Variants in MKRN1 observed in about 807,000 individuals in gnomAD.
The protein encoded by MKRN1 is makorin ring finger protein 1.
In MKRN1, 9 loss-of-function variants were observed where a neutral mutation model predicts 55.5. The ratio of observed to expected loss-of-function variants is 0.16; its 90% CI spans 0.10 to 0.28. MKRN1 has a LOEUF of 0.28. Among genes scored for constraint, MKRN1 ranks in the 10% least tolerant of loss-of-function variants. The pLI is 1.00. For missense variants in MKRN1, 488 were observed against 626.7 expected (o/e 0.78, Z 2.36); for synonymous variants, 253 against 235.9 (o/e 1.07, Z -0.66).
In MKRN1 at chr7:140,479,207, G is replaced by GCCGCCCCCT; in HGVS notation, c.129_137dup (p.Gly45_Gly47dup). 1 of 1,464,836 alleles carries GCCGCCCCCT rather than the reference G, an allele frequency of 6.8e-7. No individual in the cohort carries two copies. The highest frequency in any genetic ancestry group is 9.0e-7 in the Non-Finnish European group (1 of 1,108,960). 90.7% of individuals were successfully genotyped at this position (1,464,836 alleles called of 1,614,324 possible). A position where few individuals can be genotyped will look rare whatever the true frequency, so the allele number is the denominator to read the frequency against. ...AGCCGCCGCCGCTGCCGTCGCTGCC[G>GCCGCCCCCT]CCGCCCCCTCCGCCCGCCCCCAGGG... On this transcript the variant is annotated inframe_insertion, in exon 1 of 8. Coordinates refer to ENST00000255977, the MANE Select transcript of MKRN1 (RefSeq NM_013446.4).
At chr7:140,478,254 A>C (rs1382018243) in intron 1 of MKRN1, 2 of 152,242 alleles carry the variant, frequency 1.3e-5, no homozygotes, top group Non-Finnish European at 2.9e-5. Context: ...AAAATAAAAA[A>C]CGTACAATTA....
At chr7:140,478,677 A>T (rs991747357) in intron 1 of MKRN1, 1 of 152,672 alleles carries the variant, frequency 6.5e-6, no homozygotes, top group African/African-American at 2.4e-5. Context: ...GAGAGAGGAG[A>T]GGGCCGGGAG....
chr7:140,470,178 G>A (rs1227571167), intron 2 of MKRN1, among the ~76,000 whole-genome samples: 1 of 151,184 alleles, frequency 6.6e-6, no homozygotes, highest in Non-Finnish European at 1.5e-5. Flanking sequence ...CTGAGATCAT[G>A]CCATTGCACT....
rs536690045 is a variant in MKRN1 at position 140,476,852 on chromosome 7, G to A, written c.185+2308C>T. Among the ~76,000 whole-genome samples, 5 of 152,150 alleles carry A rather than the reference G, an allele frequency of 3.3e-5. No individual in the cohort carries two copies. In the East Asian group the frequency reaches 5.8e-4, roughly 18 times the overall value. On this transcript the variant is annotated intron_variant, in intron 1 of 7. Coordinates refer to ENST00000255977, the MANE Select transcript of MKRN1 (RefSeq NM_013446.4). ...CCCAGCACTTTGGGAGGCTGAGGCC[G>A]GCAGATCACCTGAGGTCGGGAGTTC... is the stretch of plus-strand genomic sequence containing the variant.
intron 1 of MKRN1, among the ~76,000 whole-genome samples, chr7:140,476,186 T>C (rs926801386): frequency 2.0e-5 from 3 of 152,206 alleles, no homozygotes; most frequent in Non-Finnish European, 4.4e-5. Context: ...CTTTAGGTGA[T>C]GTTTACCTAG....
In MKRN1 at chr7:140,455,852, C is replaced by G. The variant is rs889586956; in HGVS notation, c.1035G>C (p.Glu345Asp). 1 of 1,614,158 alleles carries G rather than the reference C, an allele frequency of 6.2e-7. No individual in the cohort carries two copies. The highest frequency in any genetic ancestry group is 8.5e-7 in the Non-Finnish European group (1 of 1,180,026). Reference sequence around the variant, plus strand: ...TCTCTTCTTTCTCCTCCACCCAGTACTCACTTGGAATGACAAAGTTAGATG... The same window carrying G: ...TCTCTTCTTTCTCCTCCACCCAGTAGTCACTTGGAATGACAAAGTTAGATG... ...RITSNFVIPS[E>D]YWVEEKEEKQ... The change falls in exon 6 of 8, where the codon GAG (glutamate) becomes GAC (aspartate). Residue 345 changes from glutamate to aspartate, a missense_variant. Physicochemically the swap from Glu to Asp is conservative, Grantham distance 45. Around this residue, in one of 2 missense-constraint regions of MKRN1, gnomAD observed 278 missense variants for 406.7 expected, o/e 0.68. Transcript: ENST00000255977.
chr7:140,464,354 C>G (rs185128140), intron 2 of MKRN1, among the ~76,000 whole-genome samples: 2 of 151,572 alleles, frequency 1.3e-5, no homozygotes, highest in South Asian at 2.1e-4. Flanking sequence ...TAGTGAGTCA[C>G]GATCACACCA....
At position 140,456,169 on chromosome 7, in the gene MKRN1, C is replaced by T. The variant is rs534204731; in HGVS notation, c.987-269G>A. The stretch of plus-strand genomic sequence containing the variant: ...GGTAAAAAACAAAAACAAAAGAAGA[C>T]ATTTCACACAGACTCCTTTTTCTTT... On this transcript the variant is annotated intron_variant, in intron 5 of 7. Transcript: ENST00000255977. 20 of 1,177,008 alleles carry T rather than the reference C, an allele frequency of 1.7e-5. No homozygotes were observed. In the South Asian group the frequency reaches 5.8e-4, roughly 34 times the overall value. 72.9% of individuals were successfully genotyped at this position (1,177,008 alleles called of 1,614,324 possible). A position where few individuals can be genotyped will look rare whatever the true frequency, so the allele number is the denominator to read the frequency against.
chr7:140,471,562 C>T (rs1265646393), intron 2 of MKRN1, among the ~76,000 whole-genome samples: 3 of 152,014 alleles, frequency 2.0e-5, no homozygotes, highest in East Asian at 1.9e-4. Context: ...ATCCACCTCC[C>T]GGGTTCATGC....
At chr7:140,463,604 G>C (rs1794681181) in intron 2 of MKRN1, among the ~76,000 whole-genome samples, 1 of 152,098 alleles carries the variant, frequency 6.6e-6, no homozygotes, top group Non-Finnish European at 1.5e-5. Context: ...ATCCAGCCCA[G>C]GCTGGACGCG....
chr7:140,469,407 T>C (rs917372701), intron 2 of MKRN1, among the ~76,000 whole-genome samples: 2 of 152,142 alleles, frequency 1.3e-5, no homozygotes, highest in Non-Finnish European at 2.9e-5. Flanking sequence ...CTCTTTGATA[T>C]GCCTTCCTTC....
intron 1 of MKRN1, among the ~76,000 whole-genome samples, chr7:140,477,771 G>A (rs1795170098): frequency 6.6e-6 from 1 of 152,178 alleles, no homozygotes. Flanking sequence ...CACCCCGACA[G>A]GCCGGTTTCA....
chr7:140,467,646 A>C (rs1460713605), intron 2 of MKRN1, among the ~76,000 whole-genome samples: 1 of 152,120 alleles, frequency 6.6e-6, no homozygotes, highest in Non-Finnish European at 1.5e-5. Context: ...GAACCTACCT[A>C]ATTTCCTCTG....
intron 4 of MKRN1, among the ~76,000 whole-genome samples, chr7:140,458,230 A>G (rs1794520739): frequency 1.3e-5 from 2 of 152,326 alleles, no homozygotes; most frequent in African/African-American, 4.8e-5. Flanking sequence ...AGCCTTATTC[A>G]TAATAGCCAA....
At position 140,462,316 on chromosome 7, in the gene MKRN1, C is replaced by T. The variant is rs368647793; in HGVS notation, c.315-2380G>A. 1.2e-4 allele frequency among the ~76,000 whole-genome samples: 19 copies of T among 152,254 alleles called. 1 individual carries two copies. The highest frequency in any genetic ancestry group is 4.3e-4 in the African/African-American group (18 of 41,560). ...AGTGATAGGCATGAGCCACCGTGCTCGGCACACCGAGTTTTATTCAGATGC... is the reference window on the plus strand; with the variant it reads ...AGTGATAGGCATGAGCCACCGTGCTTGGCACACCGAGTTTTATTCAGATGC... On this transcript the variant is annotated intron_variant, in intron 2 of 7. Coordinates refer to ENST00000255977, the MANE Select transcript of MKRN1 (RefSeq NM_013446.4).
chr7:140,478,413 T>TC (rs1459949789), intron 1 of MKRN1: 2 of 151,898 alleles, frequency 1.3e-5, no homozygotes, highest in African/African-American at 4.8e-5. Context: ...GCCCTTTCAC[T>TC]CCCTTCGGAA....
In MKRN1 at chr7:140,454,173, C is replaced by G; in HGVS notation, c.*344G>C. 1 of 316,150 alleles carries G rather than the reference C, an allele frequency of 3.2e-6. No individual in the cohort carries two copies. Among genetic ancestry groups the G allele is most frequent in the South Asian group, 3.1e-5 (1 of 32,736 alleles). The allele number at this position is 316,150 out of a possible 1,614,324, so 19.6% of individuals were successfully genotyped here. A position where few individuals can be genotyped will look rare whatever the true frequency, so the allele number is the denominator to read the frequency against. Reference sequence around the variant, plus strand: ...CCCCAAAGCAGGGCCACTGCTTTTACTTTTGAACCTGGGGTCCTCAAAATG... The same window carrying G: ...CCCCAAAGCAGGGCCACTGCTTTTAGTTTTGAACCTGGGGTCCTCAAAATG... On this transcript the variant is annotated 3_prime_UTR_variant, in exon 8 of 8. Transcript: ENST00000255977.
At chr7:140,460,098 A>C (rs1563088895) in intron 2 of MKRN1, 162 bp from the exon 3 acceptor site, 5 of 648,922 alleles carry the variant, frequency 7.7e-6, no homozygotes, top group Non-Finnish European at 1.4e-5. Context: ...AAAACGCAAA[A>C]ATTAGCTGGG....
In MKRN1 at chr7:140,458,915, C is replaced by T. The variant is rs1424382367; in HGVS notation, c.771+92G>A. The stretch of plus-strand genomic sequence containing the variant: ...ACTCACTGATAACCATTCAATTCAT[C>T]AAATGTTTCTCTGAAATAAACCCAC... On this transcript the variant is annotated intron_variant, in intron 4 of 7. Coordinates refer to ENST00000255977, the MANE Select transcript of MKRN1 (RefSeq NM_013446.4). 3.7e-6 allele frequency: 5 copies of T among 1,346,210 alleles called. No individual in the cohort carries two copies. In the African/African-American group the frequency reaches 7.2e-5, roughly 19 times the overall value. The allele number at this position is 1,346,210 out of a possible 1,614,324, so 83.4% of individuals were successfully genotyped here.
Sources: allele counts gnomAD v4.1 joint callset (sites outside exome capture counted in the v4.1 genomes callset), GRCh38; gene constraint gnomAD v4.1.1; regional missense constraint gnomAD v4.1.1; transcripts MANE v1.5; gene names NCBI Gene and HGNC (gene_info 2026-07-23, HGNC 2026-07-21).